TEAD1: variants seen among roughly 807,000 people sequenced by gnomAD.
The protein encoded by TEAD1 is TEA domain transcription factor 1, also known as transcriptional enhancer factor TEF-1.
A neutral mutation model predicts 54.9 loss-of-function variants in TEAD1; 9 were observed. That is an observed-to-expected ratio of 0.16 (90% confidence interval 0.10 to 0.29). The LOEUF is 0.29. Among genes scored for constraint, TEAD1 ranks in the 10% least tolerant of loss-of-function variants. TEAD1 has a pLI of 1.00. For missense variants in TEAD1, 387 were observed against 535.9 expected (o/e 0.72, Z 2.74); for synonymous variants, 200 against 187.8 (o/e 1.07, Z -0.53).
chr11:12,760,078 A>C (rs567087520), intron 2 of TEAD1, among the ~76,000 whole-genome samples: 1 of 152,356 alleles, frequency 6.6e-6, no homozygotes, highest in South Asian at 2.1e-4. Flanking sequence ...CTTGAAGAAG[A>C]GGTCCTTTGT....
At chr11:12,677,003 G>A (rs552701553) in intron 2 of TEAD1, among the ~76,000 whole-genome samples, 1 of 152,088 alleles carries the variant, frequency 6.6e-6, no homozygotes, top group African/African-American at 2.4e-5. Context: ...TTAAAAACGA[G>A]CTTGAAACAA....
intron 3 of TEAD1, among the ~76,000 whole-genome samples, chr11:12,855,638 C>T (rs1317717067): frequency 6.6e-6 from 1 of 151,628 alleles, no homozygotes; most frequent in African/African-American, 2.4e-5. Flanking sequence ...TGATGAACCC[C>T]AGCTGATGAA....
intron 10 of TEAD1, among the ~76,000 whole-genome samples, chr11:12,911,564 T>C (rs189174194): frequency 8.0e-4 from 122 of 152,252 alleles, no homozygotes; most frequent in African/African-American, 2.7e-3. Flanking sequence ...CTGAACAATA[T>C]TAAGTGATGA....
chr11:12,737,291 A>G (rs1014184852), intron 2 of TEAD1, among the ~76,000 whole-genome samples: 1 of 151,540 alleles, frequency 6.6e-6, no homozygotes, highest in African/African-American at 2.4e-5. Flanking sequence ...TAAGTCCTTA[A>G]TAAGGATGGT....
At chr11:12,706,655 GGTTGAATTGGAAACTT>G (rs1943822047) in intron 2 of TEAD1, among the ~76,000 whole-genome samples, 1 of 152,180 alleles carries the variant, frequency 6.6e-6, no homozygotes, top group Non-Finnish European at 1.5e-5. Context: ...AACCTGCTGT[GGTTGAATTGGAAACTT>G]GTCACTGAGC....
At chr11:12,867,792 G>A (rs1286295910) in intron 5 of TEAD1, among the ~76,000 whole-genome samples, 2 of 152,140 alleles carry the variant, frequency 1.3e-5, no homozygotes, top group East Asian at 3.9e-4. Flanking sequence ...GATAATTGAG[G>A]TCATCCCAAA....
At position 12,676,831 on chromosome 11, in the gene TEAD1, C is replaced by G. The variant is rs7941081; in HGVS notation, c.-55+1270C>G. On this transcript the variant is annotated intron_variant, in intron 2 of 12. Transcript: ENST00000527636. ...TTCAGGTTTTAAACAGTTAACAATT[C>G]TTTTATTTATTGTTGGTATAAAAAA... is the stretch of plus-strand genomic sequence containing the variant. Among the ~76,000 whole-genome samples, 1,360 of 152,194 alleles carry G rather than the reference C, an allele frequency of 8.9e-3. 17 individuals are homozygous for G. The highest frequency in any genetic ancestry group is 0.03 in the African/African-American group (1,243 of 41,512).
intron 3 of TEAD1, among the ~76,000 whole-genome samples, chr11:12,861,455 C>T (rs975551240): frequency 3.9e-5 from 6 of 152,258 alleles, no homozygotes; most frequent in Admixed American, 1.3e-4. Context: ...TGTCATTGTC[C>T]GGCTTCCGTG....
At chr11:12,709,129 G>T (rs1159763532) in intron 2 of TEAD1, among the ~76,000 whole-genome samples, 2 of 152,162 alleles carry the variant, frequency 1.3e-5, no homozygotes, top group Admixed American at 6.6e-5. Flanking sequence ...CTTGAGGTCA[G>T]TTGTTTAAGA....
intron 3 of TEAD1, among the ~76,000 whole-genome samples, chr11:12,861,203 C>T (rs1052760319): frequency 6.6e-6 from 1 of 152,204 alleles, no homozygotes; most frequent in East Asian, 1.9e-4. Flanking sequence ...GTTTTTATTT[C>T]ACGTGGTATT....
At chr11:12,922,113 T>C (rs1006342206) in intron 10 of TEAD1, among the ~76,000 whole-genome samples, 5 of 152,054 alleles carry the variant, frequency 3.3e-5, no homozygotes, top group Admixed American at 1.3e-4. Flanking sequence ...ACAAGTTAAT[T>C]ATTGTAGTTG....
chr11:12,843,734 T>TC (rs2134038334), intron 3 of TEAD1, among the ~76,000 whole-genome samples: 1 of 152,352 alleles, frequency 6.6e-6, no homozygotes, highest in South Asian at 2.1e-4. Context: ...ATGAAATAAC[T>TC]CCATGTATGG....
At chr11:12,870,778 T>A (rs1947731218) in intron 5 of TEAD1, among the ~76,000 whole-genome samples, 1 of 152,036 alleles carries the variant, frequency 6.6e-6, no homozygotes, top group East Asian at 1.9e-4. Context: ...TATAGCTACT[T>A]GGGAGGCTGG....
chr11:12,795,755 T>A (rs1945904546), intron 3 of TEAD1, among the ~76,000 whole-genome samples: 1 of 152,156 alleles, frequency 6.6e-6, no homozygotes, highest in Admixed American at 6.5e-5. Flanking sequence ...CCCAGGTGAT[T>A]TGGGTGTGCA....
At chr11:12,828,840 ATT>A (rs58995760) in intron 3 of TEAD1, among the ~76,000 whole-genome samples, 6,272 of 128,476 alleles carry the variant, frequency 0.049, 480 homozygotes, top group African/African-American at 0.17. Flanking sequence ...TTTGTCCTGA[ATT>A]TTTTTTTTTT....
At chr11:12,894,760 A>G (rs191346621) in intron 9 of TEAD1, among the ~76,000 whole-genome samples, 2 of 152,322 alleles carry the variant, frequency 1.3e-5, no homozygotes, top group East Asian at 1.9e-4. Context: ...TTTTGTTATC[A>G]GAGGGACCGT....
At chr11:12,800,508 A>G (rs1946032848) in intron 3 of TEAD1, among the ~76,000 whole-genome samples, 1 of 152,172 alleles carries the variant, frequency 6.6e-6, no homozygotes, top group Non-Finnish European at 1.5e-5. Flanking sequence ...GCTGTGTTAG[A>G]GATACGTTCA....
intron 5 of TEAD1, among the ~76,000 whole-genome samples, chr11:12,879,281 C>T (rs1477580643): frequency 2.6e-5 from 4 of 152,210 alleles, no homozygotes; most frequent in East Asian, 3.9e-4. Context: ...GCTCTGTGGA[C>T]GGTCCTACCC....
chr11:12,752,834 T>C (rs1157240746), intron 2 of TEAD1, among the ~76,000 whole-genome samples: 1 of 143,920 alleles, frequency 6.9e-6, no homozygotes, highest in East Asian at 2.0e-4. Context: ...TTCTATTTTA[T>C]GAATATGCTA....
Sources: allele counts gnomAD v4.1 joint callset (sites outside exome capture counted in the v4.1 genomes callset), GRCh38; gene constraint gnomAD v4.1.1; transcripts MANE v1.5; gene names NCBI Gene and HGNC (gene_info 2026-07-23, HGNC 2026-07-21).